Variants in SLC43A3 observed in about 807,000 individuals in gnomAD.
SLC43A3 encodes the protein solute carrier family 43 member 3.
SLC43A3 carries 33 observed loss-of-function variants against 53.3 expected under a neutral mutation model. The observed-to-expected ratio is 0.62, with a 90% CI of 0.47 to 0.83. SLC43A3 has a LOEUF of 0.83. Among genes scored for constraint, SLC43A3 ranks in the 40% least tolerant of loss-of-function variants. The probability of loss-of-function intolerance (pLI) is 0.00; values close to 1 mark genes in which losing one functional copy is unlikely to be tolerated. For missense variants in SLC43A3, 530 were observed against 610.0 expected (o/e 0.87, Z 1.38); for synonymous variants, 236 against 246.2 (o/e 0.96, Z 0.39).
At position 57,423,904 on chromosome 11, in the gene SLC43A3, T is replaced by C. The variant is rs927589412; in HGVS notation, c.361+78A>G. 3.2e-6 allele frequency: 4 copies of C among 1,246,942 alleles called. No individual in the cohort carries two copies. In the African/African-American group the frequency reaches 4.4e-5, roughly 14 times the overall value. 77.2% of individuals were successfully genotyped at this position (1,246,942 alleles called of 1,614,324 possible). A position where few individuals can be genotyped will look rare whatever the true frequency, so the allele number is the denominator to read the frequency against. On this transcript the variant is annotated intron_variant, in intron 5 of 13. Transcript: ENST00000395124. ...CCATGTGGTCTGTATATCTTGCCTA[T>C]AGCCCTCTGCTCACACCTGCCCCAG...
intron 4 of SLC43A3, among the ~76,000 whole-genome samples, chr11:57,425,272 C>T (rs891359037): frequency 6.6e-6 from 1 of 152,338 alleles, no homozygotes. Context: ...CCCTGGCCTC[C>T]GGCTCAATTC....
chr11:57,416,336 G>A (rs897714735), intron 9 of SLC43A3, among the ~76,000 whole-genome samples: 1 of 152,192 alleles, frequency 6.6e-6, no homozygotes, highest in Non-Finnish European at 1.5e-5. Context: ...CATGGCAGGC[G>A]GGCTTCAAGG....
chr11:57,409,145 G>T, intron 13 of SLC43A3, 30 bp downstream of exon 13: 2 of 1,613,634 alleles, frequency 1.2e-6, no homozygotes, highest in Non-Finnish European at 1.7e-6. Context: ...CAGGCCTCCT[G>T]CCAGGGATCC....
At chr11:57,423,937 G>A in intron 5 of SLC43A3, 45 bp downstream of exon 5, 1 of 1,592,882 alleles carries the variant, frequency 6.3e-7, no homozygotes, top group Admixed American at 1.7e-5. Context: ...CAGCCACCAG[G>A]TGCCTCTGAG....
At chr11:57,417,635 C>T in intron 8 of SLC43A3, 113 bp downstream of exon 8, 1 of 1,213,892 alleles carries the variant, frequency 8.2e-7, no homozygotes, top group Non-Finnish European at 1.2e-6. Flanking sequence ...CAATAGCTAA[C>T]AGATGCACTG....
intron 13 of SLC43A3, 28 bp downstream of exon 13, chr11:57,409,147 C>G (rs751186459): frequency 3.1e-6 from 5 of 1,613,912 alleles, no homozygotes; most frequent in Non-Finnish European, 3.4e-6. Context: ...GGCCTCCTGC[C>G]AGGGATCCCC....
At position 57,419,438 on chromosome 11, in the gene SLC43A3, C is replaced by G. The variant is rs550336093; in HGVS notation, c.531+1534G>C. On this transcript the variant is annotated intron_variant, in intron 7 of 13. Transcript: ENST00000395124. The stretch of plus-strand genomic sequence containing the variant: ...TTGCTCAATAAATTGACAGAGTAAG[C>G]AGCAGCAAAGTCAGATTAAACTAAG... Among the ~76,000 whole-genome samples, 3 of 152,260 alleles carry G rather than the reference C, an allele frequency of 2.0e-5. No individual in the cohort carries two copies. In the East Asian group the frequency reaches 5.8e-4, roughly 29 times the overall value.
At chr11:57,417,298 A>G (rs1942764300) in intron 8 of SLC43A3, among the ~76,000 whole-genome samples, 1 of 152,238 alleles carries the variant, frequency 6.6e-6, no homozygotes, top group Non-Finnish European at 1.5e-5. Flanking sequence ...GCCAATTCCA[A>G]GCTTAAATCT....
chr11:57,407,665 TTGTGTGTGTGTG>T lies in SLC43A3; in HGVS notation c.*115_*126del, dbSNP rs3832767. On this transcript the variant is annotated 3_prime_UTR_variant, in exon 14 of 14. Coordinates refer to ENST00000395124, the MANE Select transcript of SLC43A3 (RefSeq NM_199329.3). ...GCAGACGTCCTTGTGTGTCTTTATT[TTGTGTGTGTGTG>T]TGTGTGTGTGTGTGTTTTGCTGGGA... The T allele has an allele frequency of 3.9e-5, 22 of 566,682 alleles. No individual in the cohort carries two copies. Among genetic ancestry groups the T allele is most frequent in the Non-Finnish European group, 6.1e-5 (19 of 310,974 alleles). 35.1% of individuals were successfully genotyped at this position (566,682 alleles called of 1,614,324 possible).
At chr11:57,409,914 G>A in intron 12 of SLC43A3, 21 bp downstream of exon 12, 1 of 1,592,082 alleles carries the variant, frequency 6.3e-7, no homozygotes, top group East Asian at 2.2e-5. Flanking sequence ...TCTCCACAGA[G>A]CCCGCCCCAA....
chr11:57,412,817 AAAAG>A (rs1368777228), intron 11 of SLC43A3, among the ~76,000 whole-genome samples: 11 of 152,178 alleles, frequency 7.2e-5, no homozygotes, highest in African/African-American at 1.9e-4. Flanking sequence ...CAAAAAAAAA[AAAAG>A]AAAGAAAAGA....
intron 11 of SLC43A3, among the ~76,000 whole-genome samples, chr11:57,413,288 T>C (rs1942566771): frequency 6.6e-6 from 1 of 152,176 alleles, no homozygotes; most frequent in East Asian, 1.9e-4. Context: ...CCAAATACAC[T>C]GCATGGACCA....
Position 57,421,350 on chromosome 11 carries a change from C to A in SLC43A3, c.385G>T (p.Ala129Ser), listed in dbSNP as rs138731232. The A allele has an allele frequency of 1.2e-6, 2 of 1,613,762 alleles. No homozygotes were observed. Among genetic ancestry groups the A allele is most frequent in the Non-Finnish European group, 1.7e-6 (2 of 1,179,942 alleles). Residue 129 changes from alanine to serine, a missense_variant, in exon 6 of 14, where the codon GCC (alanine) becomes TCC (serine). Coordinates refer to ENST00000395124, the MANE Select transcript of SLC43A3 (RefSeq NM_199329.3). ...CCCCCAATGGTGAGCATTGGCATGGCCAGGAAGAGCAGCACGGCTGAGCCT... is the reference window on the plus strand; with the variant it reads ...CCCCCAATGGTGAGCATTGGCATGGACAGGAAGAGCAGCACGGCTGAGCCT... ...SAGSAVLLFLAMPMLTIGGIL... is the reference protein window; with the variant it reads ...SAGSAVLLFLSMPMLTIGGIL...
intron 12 of SLC43A3, 89 bp downstream of exon 12, chr11:57,409,846 G>T: frequency 7.7e-7 from 1 of 1,302,136 alleles, no homozygotes; most frequent in Non-Finnish European, 1.0e-6. Context: ...CTGCCTCCAG[G>T]CCCCGCCTTG....
chr11:57,411,463 T>C, intron 11 of SLC43A3, among the ~76,000 whole-genome samples: 1 of 73,348 alleles, frequency 1.4e-5, no homozygotes, highest in Non-Finnish European at 2.3e-5. Context: ...ACAAAGACCC[T>C]TCCTCTACAA....
rs150177955 is a variant in SLC43A3, at chr11:57,423,022, A to G, written c.361+960T>C. On this transcript the variant is annotated intron_variant, in intron 5 of 13. Transcript: ENST00000395124. ...CCAAAAATTGAGCCACGGGTCTAAC[A>G]CTAGGAAGGAATATTGGGAGGCATC... 7.3e-3 allele frequency among the ~76,000 whole-genome samples: 1,114 copies of G among 152,308 alleles called. 10 individuals are homozygous for G. Among genetic ancestry groups the G allele is most frequent in the African/African-American group, 0.026 (1,069 of 41,548 alleles).
intron 13 of SLC43A3, 129 bp downstream of exon 13, chr11:57,409,046 C>T: frequency 3.3e-6 from 3 of 905,424 alleles, no homozygotes; most frequent in Non-Finnish European, 5.2e-6. Flanking sequence ...GCCCCAAATA[C>T]TTGAATAACA....
In SLC43A3 at chr11:57,424,027, A is replaced by T. The variant is rs747979107; in HGVS notation, c.316T>A (p.Phe106Ile). 2 of 1,614,028 alleles carry T rather than the reference A, an allele frequency of 1.2e-6. No individual in the cohort carries two copies. Residue 106 changes from phenylalanine to isoleucine, a missense_variant and splice_region_variant, in exon 5 of 14, where the codon TTT (phenylalanine) becomes ATT (isoleucine). By Grantham distance (21) the Phe-to-Ile change is conservative. Coordinates refer to ENST00000395124, the MANE Select transcript of SLC43A3 (RefSeq NM_199329.3). ...ATGAGTGTGGCGGTGGTGTAGAAAA[A>T]TCTGAAACACATAACAGGAAAAGCA... ...KTTVARLIAI[F>I]FYTTATLIIA...
intron 11 of SLC43A3, 81 bp from the exon 12 acceptor site, chr11:57,410,202 AAG>A: frequency 8.5e-7 from 1 of 1,173,082 alleles, no homozygotes; most frequent in Non-Finnish European, 1.2e-6. Context: ...AGATTGGAAA[AAG>A]GGGAGGAGCC....
Sources: gnomAD v4.1 joint callset for allele counts (sites outside exome capture counted in the v4.1 genomes callset) on GRCh38, gnomAD v4.1.1 for gene constraint, MANE v1.5 for transcripts, NCBI Gene and HGNC (gene_info 2026-07-23, HGNC 2026-07-21) for gene names.